QKI: variants seen among roughly 807,000 people sequenced by gnomAD.
QKI encodes the protein KH domain-containing RNA-binding protein QKI.
In QKI, 10 loss-of-function variants were observed where a neutral mutation model predicts 39.0. That is an observed-to-expected ratio of 0.26 (90% CI 0.16 to 0.43). The LOEUF (loss-of-function observed/expected upper bound fraction) is 0.43. Ranked by LOEUF, QKI falls within the 20% of genes least tolerant of loss-of-function variation. The pLI is 1.00. For missense variants in QKI, 218 were observed against 428.0 expected (o/e 0.51, Z 4.33); for synonymous variants, 204 against 155.4 (o/e 1.31, Z -2.33).
At chr6:163,467,986 A>G (rs1791903119) in intron 2 of QKI, among the ~76,000 whole-genome samples, 1 of 152,172 alleles carries the variant, frequency 6.6e-6, no homozygotes, top group African/African-American at 2.4e-5. Context: ...ATCTGTATTC[A>G]TTCTGTATTT....
intron 1 of QKI, among the ~76,000 whole-genome samples, chr6:163,424,838 C>T (rs1788287213): frequency 6.6e-6 from 1 of 151,814 alleles, no homozygotes; most frequent in South Asian, 2.1e-4. Flanking sequence ...ACCATGTTAG[C>T]CAGGCTGGTC....
chr6:163,553,811 T>G (rs1782414166), intron 4 of QKI, among the ~76,000 whole-genome samples: 2 of 152,204 alleles, frequency 1.3e-5, no homozygotes, highest in Non-Finnish European at 2.9e-5. Context: ...TACAAATCTT[T>G]GTTAGTTTTA....
chr6:163,466,385 A>G lies in QKI; in HGVS notation c.285+10964A>G, dbSNP rs148822899. 3.1e-3 allele frequency among the ~76,000 whole-genome samples: 471 copies of G among 152,326 alleles called. 2 individuals carry two copies. Among genetic ancestry groups the G allele is most frequent in the Non-Finnish European group, 5.5e-3 (372 of 68,026 alleles). On this transcript the variant is annotated intron_variant, in intron 2 of 7. Coordinates refer to ENST00000361752, the MANE Select transcript of QKI (RefSeq NM_006775.3). ...AATTCCATTGGCATTTTTCACAGAA[A>G]TAGGAAAAAACAATCCTAAAATTCA... is the stretch of plus-strand genomic sequence containing the variant.
intron 3 of QKI, among the ~76,000 whole-genome samples, chr6:163,486,358 T>C (rs562371302): frequency 6.6e-6 from 1 of 152,236 alleles, no homozygotes; most frequent in Non-Finnish European, 1.5e-5. Flanking sequence ...TTTTTGAAGA[T>C]GTCCCTATAA....
chr6:163,486,880 G>A (rs1390328546), intron 3 of QKI, among the ~76,000 whole-genome samples: 1 of 152,196 alleles, frequency 6.6e-6, no homozygotes, highest in Admixed American at 6.5e-5. Context: ...GCCTAAGACT[G>A]TGATAGGTGA....
intron 3 of QKI, among the ~76,000 whole-genome samples, chr6:163,525,267 C>CTTTTTTTTTTTTTTTTT (rs59849901): frequency 7.2e-6 from 1 of 139,212 alleles, no homozygotes. Context: ...ATCTTGTTTC[C>CTTTTTTTTTTTTTTTTT]TTTTTTTTTT....
chr6:163,439,094 T>A (rs1374283270), intron 1 of QKI, among the ~76,000 whole-genome samples: 6 of 152,176 alleles, frequency 3.9e-5, no homozygotes, highest in Admixed American at 2.0e-4. Context: ...CAGTTTCATC[T>A]TCTTTCACCT....
chr6:163,517,371 C>T (rs190618735), intron 3 of QKI, among the ~76,000 whole-genome samples: 7 of 152,264 alleles, frequency 4.6e-5, no homozygotes, highest in Admixed American at 4.6e-4. Context: ...TTAATTACAT[C>T]TGCAGAATTT....
rs1172907438 is a variant in QKI, at chr6:163,577,471, A to G, written c.*6761A>G. ...TCACAAAATCTGCTCTTCCTGAAAG[A>G]TCAAAGTGTCTAGAAAGCCCAAACA... is the stretch of plus-strand genomic sequence containing the variant. On this transcript the variant is annotated 3_prime_UTR_variant, in exon 8 of 8. Transcript: ENST00000361752. 1 of 152,024 alleles carries G rather than the reference A, an allele frequency of 6.6e-6. No individual in the cohort carries two copies. Among genetic ancestry groups the G allele is most frequent in the African/African-American group, 2.4e-5 (1 of 41,370 alleles). The allele number at this position is 152,024 out of a possible 1,614,324, so 9.4% of individuals were successfully genotyped here. A position where few individuals can be genotyped will look rare whatever the true frequency, so the allele number is the denominator to read the frequency against.
At chr6:163,504,502 T>G (rs528046003) in intron 3 of QKI, among the ~76,000 whole-genome samples, 2 of 152,338 alleles carry the variant, frequency 1.3e-5, no homozygotes, top group African/African-American at 4.8e-5. Flanking sequence ...GTGGGATGTT[T>G]TTTCATTTGT....
chr6:163,468,622 C>G (rs1791953208), intron 2 of QKI, among the ~76,000 whole-genome samples: 2 of 152,142 alleles, frequency 1.3e-5, no homozygotes, highest in Non-Finnish European at 2.9e-5. Flanking sequence ...ATTAACATGC[C>G]ACTTGGCAGA....
At chr6:163,566,385 T>C in intron 6 of QKI, 2 of 1,218,116 alleles carry the variant, frequency 1.6e-6, no homozygotes, top group Non-Finnish European at 2.1e-6. Context: ...ATTTAAGTAG[T>C]CCTGCTGCAA....
chr6:163,525,658 C>T lies in QKI; in HGVS notation c.403-9324C>T, dbSNP rs1461553691. 2.6e-5 allele frequency among the ~76,000 whole-genome samples: 4 copies of T among 152,160 alleles called. No homozygotes were observed. The South Asian group carries it at 8.3e-4, about 32-fold the overall frequency. ...GAGATTACAGGCGTGAGCCACCACG[C>T]CCGGCCATCTTGTTTCTTTTTATTG... On this transcript the variant is annotated intron_variant, in intron 3 of 7. Coordinates refer to ENST00000361752, the MANE Select transcript of QKI (RefSeq NM_006775.3).
chr6:163,495,921 T>G (rs981576114), intron 3 of QKI, among the ~76,000 whole-genome samples: 1 of 152,148 alleles, frequency 6.6e-6, no homozygotes, highest in Non-Finnish European at 1.5e-5. Context: ...TTATGTATTG[T>G]CACCGTAAAG....
At chr6:163,450,959 T>C (rs1203291986) in intron 1 of QKI, among the ~76,000 whole-genome samples, 1 of 152,214 alleles carries the variant, frequency 6.6e-6, no homozygotes, top group Non-Finnish European at 1.5e-5. Context: ...AAGATGTGCC[T>C]GTATTTTGGG....
intron 1 of QKI, among the ~76,000 whole-genome samples, chr6:163,437,799 A>C (rs1460795999): frequency 6.6e-6 from 1 of 152,172 alleles, no homozygotes; most frequent in Non-Finnish European, 1.5e-5. Context: ...TTAGACGCTA[A>C]AATGCCCTCC....
Position 163,563,821 on chromosome 6 carries a change from G to A in QKI, c.934+102G>A, listed in dbSNP as rs1783184620. ...TATCAGTTTTAGAGAGGCAAGACAA[G>A]TTTGCATTAGGGAAGACCGAAAACT... On this transcript the variant is annotated intron_variant, in intron 6 of 7. Transcript: ENST00000361752. 3 of 1,509,152 alleles carry A rather than the reference G, an allele frequency of 2.0e-6. No individual in the cohort carries two copies. The Admixed American group carries it at 6.7e-5, about 34-fold the overall frequency. 93.5% of individuals were successfully genotyped at this position (1,509,152 alleles called of 1,614,324 possible). A position where few individuals can be genotyped will look rare whatever the true frequency, so the allele number is the denominator to read the frequency against.
intron 3 of QKI, among the ~76,000 whole-genome samples, chr6:163,525,805 A>G (rs148257667): frequency 6.6e-6 from 1 of 152,232 alleles, no homozygotes; most frequent in Non-Finnish European, 1.5e-5. Context: ...AAGTCGGTTT[A>G]ACTGAGTACA....
chr6:163,468,425 A>G (rs1583042113), intron 2 of QKI, among the ~76,000 whole-genome samples: 1 of 152,254 alleles, frequency 6.6e-6, no homozygotes, highest in Admixed American at 6.5e-5. Context: ...ATTTTTTATT[A>G]TCTATTGTGA....
Sources: allele counts gnomAD v4.1 joint callset (sites outside exome capture counted in the v4.1 genomes callset), GRCh38; gene constraint gnomAD v4.1.1; transcripts MANE v1.5; gene names NCBI Gene and HGNC (gene_info 2026-07-23, HGNC 2026-07-21).